The following NCKAP1L variants were observed in gnomAD, a reference collection of about 807,000 sequenced individuals.
NCKAP1L encodes the protein nck-associated protein 1-like.
NCKAP1L carries 53 observed loss-of-function variants against 139.2 expected under a neutral mutation model. The observed-to-expected ratio is 0.38, with a 90% confidence interval of 0.31 to 0.48. NCKAP1L has a LOEUF of 0.48. Ranked by LOEUF, NCKAP1L falls within the 20% of genes least tolerant of loss-of-function variation. The probability of loss-of-function intolerance (pLI) is 0.98; values close to 1 mark genes in which losing one functional copy is unlikely to be tolerated. For synonymous variants in NCKAP1L, 468 were observed against 499.7 expected (o/e 0.94, Z 0.85); for missense variants, 1,151 against 1,381.9 (o/e 0.83, Z 2.65).
intron 3 of NCKAP1L, among the ~76,000 whole-genome samples, chr12:54,506,796 AATATATAT>A (rs1171488876): frequency 4.0e-5 from 2 of 50,606 alleles, no homozygotes; most frequent in East Asian, 1.1e-3. Context: ...AAAAAAAAAA[AATATATAT>A]ATATATATAT....
intron 26 of NCKAP1L, among the ~76,000 whole-genome samples, chr12:54,534,539 G>A (rs1460031277): frequency 2.0e-4 from 30 of 152,200 alleles, no homozygotes; most frequent in Admixed American, 1.7e-3. Context: ...TTGGGCTGAA[G>A]TAATCAGGTA....
intron 24 of NCKAP1L, 60 bp downstream of exon 24, chr12:54,531,644 G>A: frequency 1.9e-6 from 3 of 1,602,518 alleles, no homozygotes; most frequent in East Asian, 4.5e-5. Context: ...CAGATGACAG[G>A]GTTTTCAGGA....
In NCKAP1L at chr12:54,518,996, A is replaced by T. The variant is rs139373170; in HGVS notation, c.1479+24A>T. ...AGGTAATGATCTGTTCCTGTTAAAG[A>T]TTCTCATCCTCAGATTCTTCCTCCC... On this transcript the variant is annotated intron_variant, in intron 15 of 30. Transcript: ENST00000293373. 119 of 1,604,768 alleles carry T rather than the reference A, an allele frequency of 7.4e-5. No homozygotes were observed. In the East Asian group the frequency reaches 2.5e-3, roughly 33 times the overall value.
At chr12:54,528,104 A>T in intron 21 of NCKAP1L, 143 bp from the exon 22 acceptor site, 1 of 988,560 alleles carries the variant, frequency 1.0e-6, no homozygotes, top group Non-Finnish European at 1.5e-6. Flanking sequence ...TAATTAGAAC[A>T]TTGTGCCATC....
intron 27 of NCKAP1L, 37 bp downstream of exon 27, chr12:54,535,234 A>C (rs1161146978): frequency 6.6e-7 from 1 of 1,519,790 alleles, no homozygotes. Context: ...TTGGGAAAGG[A>C]GGGCTTGGGC....
chr12:54,538,952 C>G lies in NCKAP1L; in HGVS notation c.3252C>G (p.Ser1084=). The G allele has an allele frequency of 6.2e-7, 1 of 1,613,988 alleles. No individual in the cohort carries two copies. Among genetic ancestry groups the G allele is most frequent in the South Asian group, 1.1e-5 (1 of 91,078 alleles). The change falls in exon 30 of 31, where the codon TCC becomes TCG. Residue 1084 remains serine (S), a synonymous_variant. Transcript: ENST00000293373. ...TDKLKTRNRE[S]ISLLMRLVVE... Reference sequence around the variant, plus strand: ...AGCTTAAAACCAGAAATCGAGAATCCATTTCTCTGCTCATGCGCTTGGTAA... The same window carrying G: ...AGCTTAAAACCAGAAATCGAGAATCGATTTCTCTGCTCATGCGCTTGGTAA...
chr12:54,523,342 C>T, intron 18 of NCKAP1L, 52 bp from the exon 19 acceptor site: 1 of 1,573,526 alleles, frequency 6.4e-7, no homozygotes, highest in Non-Finnish European at 8.6e-7. Context: ...CTGTCAGGTG[C>T]CGTTTTAGCA....
At chr12:54,506,466 G>A (rs996500498) in intron 3 of NCKAP1L, among the ~76,000 whole-genome samples, 2 of 151,736 alleles carry the variant, frequency 1.3e-5, no homozygotes, top group Non-Finnish European at 2.9e-5. Context: ...GCAGTGGCAT[G>A]ATCTCAGCTC....
chr12:54,536,173 T>G lies in NCKAP1L; in HGVS notation c.3001T>G (p.Leu1001Val). 2.5e-6 allele frequency: 4 copies of G among 1,613,614 alleles called. No homozygotes were observed. In the South Asian group the frequency reaches 4.4e-5, roughly 18 times the overall value. ...EEEYKVACLLLIFLAVSLPLL... is the reference protein window; with the variant it reads ...EEEYKVACLLVIFLAVSLPLL... ...GGAATATAAGGTGGCCTGCCTGCTC[T>G]TGATCTTTCTGGCAGTTTCCCTCCC... Residue 1001 changes from leucine (L) to valine (V), a missense_variant, in exon 28 of 31, where the codon TTG becomes GTG. By Grantham distance (32) the Leu-to-Val change is conservative. Transcript: ENST00000293373.
chr12:54,542,785 G>A lies in NCKAP1L; in HGVS notation c.*100G>A, dbSNP rs989744292. 2 of 722,978 alleles carry A rather than the reference G, an allele frequency of 2.8e-6. No homozygotes were observed. Among genetic ancestry groups the A allele is most frequent in the African/African-American group, 1.7e-5 (1 of 57,754 alleles). 44.8% of individuals were successfully genotyped at this position (722,978 alleles called of 1,614,324 possible). On this transcript the variant is annotated 3_prime_UTR_variant, in exon 31 of 31. Coordinates refer to ENST00000293373, the MANE Select transcript of NCKAP1L (RefSeq NM_005337.5). ...TCGCAGGGGGTGGGAATGGGGTGGG[G>A]TCACTAAGGAGAGAGGGTCAGGAGC... is the stretch of plus-strand genomic sequence containing the variant.
At chr12:54,538,797 C>G in intron 29 of NCKAP1L, 87 bp from the exon 30 acceptor site, 2 of 1,000,006 alleles carry the variant, frequency 2.0e-6, no homozygotes, top group South Asian at 2.7e-5. Context: ...TTAACTCTCT[C>G]CTTGATCTTT....
rs1056867708 is a variant in NCKAP1L at position 54,546,864 on chromosome 12, T to C, written c.*4179T>C. 5 of 152,230 alleles carry C rather than the reference T, an allele frequency of 3.3e-5. No individual in the cohort carries two copies. The highest frequency in any genetic ancestry group is 3.3e-4 in the Admixed American group (5 of 15,280). 9.4% of individuals were successfully genotyped at this position (152,230 alleles called of 1,614,324 possible). A position where few individuals can be genotyped will look rare whatever the true frequency, so the allele number is the denominator to read the frequency against. On this transcript the variant is annotated 3_prime_UTR_variant, in exon 31 of 31. Transcript: ENST00000293373. ...GAGATTGAGGAGCAGACTTTTCTCT[T>C]GTCACTTTGGAAGGAGAGGATTGTG...
intron 20 of NCKAP1L, 41 bp from the exon 21 acceptor site, chr12:54,526,487 T>C: frequency 1.3e-6 from 2 of 1,501,116 alleles, no homozygotes; most frequent in Non-Finnish European, 1.9e-6. Flanking sequence ...GTATTTGCCA[T>C]TATGATTGTA....
intron 16 of NCKAP1L, 97 bp downstream of exon 16, chr12:54,519,429 A>ATTTTTTTTTTTT (rs10686138): frequency 4.0e-6 from 2 of 502,070 alleles, no homozygotes; most frequent in Non-Finnish European, 5.6e-6. Flanking sequence ...ATTTTGTTTA[A>ATTTTTTTTTTTT]TTTTTTTTTT....
chr12:54,500,482 C>A, intron 2 of NCKAP1L, 51 bp from the exon 3 acceptor site: 1 of 1,240,142 alleles, frequency 8.1e-7, no homozygotes, highest in East Asian at 2.3e-5. Context: ...TTATTTGGAT[C>A]AATTGTCTTA....
intron 20 of NCKAP1L, among the ~76,000 whole-genome samples, chr12:54,525,132 AT>A (rs1277115104): frequency 1.3e-5 from 2 of 152,188 alleles, no homozygotes; most frequent in Non-Finnish European, 2.9e-5. Flanking sequence ...CAGATTGTGT[AT>A]GCGCTTATAT....
chr12:54,509,550 A>G lies in NCKAP1L; in HGVS notation c.507-119A>G, dbSNP rs1380259921. On this transcript the variant is annotated intron_variant, in intron 5 of 30. Coordinates refer to ENST00000293373, the MANE Select transcript of NCKAP1L (RefSeq NM_005337.5). ...ATGTAATTTACAGTGTAGTATGTAT[A>G]TCTTTGGAGGTGGTGGGGAGTGCCA... 7.0e-6 allele frequency: 5 copies of G among 716,012 alleles called. No individual in the cohort carries two copies. The Admixed American group carries it at 8.8e-5, about 13-fold the overall frequency. The allele number at this position is 716,012 out of a possible 1,614,324, so 44.4% of individuals were successfully genotyped here. A position where few individuals can be genotyped will look rare whatever the true frequency, so the allele number is the denominator to read the frequency against.
intron 1 of NCKAP1L, among the ~76,000 whole-genome samples, chr12:54,498,467 A>C (rs914940460): frequency 4.0e-5 from 6 of 150,564 alleles, no homozygotes; most frequent in African/African-American, 1.5e-4. Context: ...GAAAGAAGCT[A>C]GTGACAAGAG....
chr12:54,524,785 A>C (rs572628693), intron 20 of NCKAP1L, among the ~76,000 whole-genome samples: 6 of 152,250 alleles, frequency 3.9e-5, no homozygotes, highest in Non-Finnish European at 5.9e-5. Context: ...GATAAGGACC[A>C]AGCAGAAAAA....
Sources: gnomAD v4.1 joint callset for allele counts (sites outside exome capture counted in the v4.1 genomes callset) on GRCh38, gnomAD v4.1.1 for gene constraint, MANE v1.5 for transcripts, NCBI Gene and HGNC (gene_info 2026-07-23, HGNC 2026-07-21) for gene names.